Variants in HERC2 observed in about 807,000 individuals in gnomAD.
The protein encoded by HERC2 is E3 ubiquitin-protein ligase HERC2.
In HERC2, 102 loss-of-function variants were observed where a neutral mutation model predicts 537.7. That is an observed-to-expected ratio of 0.19 (90% CI 0.16 to 0.22). The LOEUF is 0.22. Ranked by LOEUF, HERC2 falls within the 10% of genes least tolerant of loss-of-function variation. The pLI, the probability that HERC2 is intolerant of heterozygous loss-of-function variation, is 1.00. For missense variants in HERC2, 4,236 were observed against 6,198.2 expected (o/e 0.68, Z 10.63); for synonymous variants, 2,224 against 2,466.2 (o/e 0.90, Z 2.91).
At chr15:28,203,410 G>C (rs1293695516) in intron 45 of HERC2, 1 of 151,794 alleles carries the variant, frequency 6.6e-6, no homozygotes, top group African/African-American at 2.4e-5. Flanking sequence ...GGGTAACTTG[G>C]AAGTGACAGG....
chr15:28,227,426 C>A (rs1426841393), intron 35 of HERC2, among the ~76,000 whole-genome samples: 1 of 149,278 alleles, frequency 6.7e-6, no homozygotes, highest in African/African-American at 2.5e-5. Context: ...AATGAGACAC[C>A]ACTTCACACC....
chr15:28,227,687 T>C (rs553796287), intron 35 of HERC2, among the ~76,000 whole-genome samples: 2 of 152,266 alleles, frequency 1.3e-5, no homozygotes, highest in South Asian at 4.1e-4. Flanking sequence ...CAAACAAGTA[T>C]TTGTATATAA....
rs145664364 is a variant in HERC2 at position 28,149,015 on chromosome 15, C to T, written c.10901-2671G>A. 4.8e-4 allele frequency among the ~76,000 whole-genome samples: 73 copies of T among 151,488 alleles called. No individual in the cohort carries two copies. In the East Asian group the frequency reaches 0.013, roughly 27 times the overall value. On this transcript the variant is annotated intron_variant, in intron 70 of 92. Transcript: ENST00000261609. ...CACGGCTCCTAACCGAGAACATCAC[C>T]GAGAACGGCCGCACAAACGTACATT...
At chr15:28,259,954 T>G (rs1596339823) in intron 16 of HERC2, among the ~76,000 whole-genome samples, 3 of 123,974 alleles carry the variant, frequency 2.4e-5, no homozygotes, top group East Asian at 2.4e-4. Flanking sequence ...GGTGACAGAG[T>G]GAGACTCCAT....
chr15:28,136,235 G>A (rs61368565), intron 78 of HERC2, among the ~76,000 whole-genome samples: 10,321 of 152,064 alleles, frequency 0.068, 885 homozygotes, highest in East Asian at 0.42. Context: ...TCAGACTGCC[G>A]TTTTCCAAAT....
rs151156359 is a variant in HERC2 at position 28,214,073 on chromosome 15, C to T, written c.6555+3G>A. 6,453 of 1,614,032 alleles carry T rather than the reference C, an allele frequency of 4.0e-3. 24 individuals carry two copies. Among genetic ancestry groups the T allele is most frequent in the Non-Finnish European group, 4.9e-3 (5,805 of 1,179,872 alleles). On this transcript the variant is annotated splice_donor_region_variant and intron_variant, in intron 41 of 92. Coordinates refer to ENST00000261609, the MANE Select transcript of HERC2 (RefSeq NM_004667.6). The stretch of plus-strand genomic sequence containing the variant: ...TAAATTAATTCTGAGAACACAAACC[C>T]ACCCCTTCGGAAGGCCTTCCCACAA...
At chr15:28,163,356 C>A in intron 68 of HERC2, 71 bp from the exon 69 acceptor site, 1 of 1,396,394 alleles carries the variant, frequency 7.2e-7, no homozygotes, top group South Asian at 1.3e-5. Context: ...ACCAGTTTAC[C>A]CATAAACTCA....
rs201994128 is a variant in HERC2 at position 28,163,792 on chromosome 15, T to C, written c.10555-507A>G. On this transcript the variant is annotated intron_variant, in intron 68 of 92. Transcript: ENST00000261609. ...CAGTCTCTCTCTCTCCTTGGGTTCA[T>C]TGAAAACATCATACATAAAAGTCTT... Among the ~76,000 whole-genome samples, 6 of 152,340 alleles carry C rather than the reference T, an allele frequency of 3.9e-5. No individual in the cohort carries two copies. The East Asian group carries it at 5.8e-4, about 15-fold the overall frequency.
rs111239439 is a variant in HERC2, at chr15:28,281,712, T to A, written c.323-1425A>T. 9.1e-3 allele frequency among the ~76,000 whole-genome samples: 1,379 copies of A among 152,232 alleles called. 18 individuals are homozygous for A. The highest frequency in any genetic ancestry group is 0.031 in the African/African-American group (1,279 of 41,538). ...TAGTTATTTAAAACGACATGAAGAA[T>A]ACTGAATTGCACACTGGGCTCAAGA... is the stretch of plus-strand genomic sequence containing the variant. On this transcript the variant is annotated intron_variant, in intron 4 of 92. Coordinates refer to ENST00000261609, the MANE Select transcript of HERC2 (RefSeq NM_004667.6).
At chr15:28,262,167 G>A (rs909320063) in intron 15 of HERC2, among the ~76,000 whole-genome samples, 2 of 152,070 alleles carry the variant, frequency 1.3e-5, no homozygotes, top group Non-Finnish European at 2.9e-5. Context: ...AACAGTTCTC[G>A]ATTAGGATGA....
rs553211421 is a variant in HERC2, at chr15:28,238,159, G to A, written c.3807C>T (p.Asp1269=). 3 of 1,611,946 alleles carry A rather than the reference G, an allele frequency of 1.9e-6. No homozygotes were observed. Among genetic ancestry groups the A allele is most frequent in the Non-Finnish European group, 2.5e-6 (3 of 1,179,792 alleles). The part of the protein sequence containing the change: ...VALEAALQFE[D]TRESMHAFCV... ...AAAACGCGTGCATGGATTCCCGGGT[G>A]TCTTCAAACTGCAAAGCAGCTTCCA... The change falls in exon 25 of 93, where the codon GAC becomes GAT. Residue 1269 remains aspartate, a synonymous_variant. Coordinates refer to ENST00000261609, the MANE Select transcript of HERC2 (RefSeq NM_004667.6).
intron 20 of HERC2, 69 bp downstream of exon 20, chr15:28,254,271 G>C: frequency 8.7e-7 from 1 of 1,151,606 alleles, no homozygotes. Context: ...CAACAAGAGC[G>C]AACTCTGTCA....
chr15:28,148,703 G>A (rs1004712753), intron 70 of HERC2, among the ~76,000 whole-genome samples: 14 of 150,534 alleles, frequency 9.3e-5, no homozygotes, highest in Admixed American at 4.0e-4. Flanking sequence ...GCTTCTAACC[G>A]AGAACATCAC....
At chr15:28,298,285 C>G (rs1291940259) in intron 3 of HERC2, among the ~76,000 whole-genome samples, 202 of 146,934 alleles carry the variant, frequency 1.4e-3, no homozygotes, top group African/African-American at 4.7e-3. Context: ...TCCCAAGTAG[C>G]TGGGATTACA....
chr15:28,160,762 C>T (rs1422966545), intron 69 of HERC2, among the ~76,000 whole-genome samples: 1 of 152,168 alleles, frequency 6.6e-6, no homozygotes, highest in Non-Finnish European at 1.5e-5. Flanking sequence ...TCCGACAAGC[C>T]CCAGTGAGAT....
chr15:28,130,378 C>T (rs1368303094), intron 82 of HERC2, 76 bp from the exon 83 acceptor site: 2 of 1,601,710 alleles, frequency 1.2e-6, no homozygotes, highest in African/African-American at 2.7e-5. Context: ...CCTGGGCAGC[C>T]TCTGCTGTTC....
At chr15:28,308,168 A>G (rs1469016281) in intron 2 of HERC2, among the ~76,000 whole-genome samples, 3 of 152,042 alleles carry the variant, frequency 2.0e-5, no homozygotes, top group African/African-American at 7.2e-5. Context: ...AACAATATTG[A>G]TTCTTCCAAT....
At chr15:28,196,805 C>A (rs939055811) in intron 50 of HERC2, among the ~76,000 whole-genome samples, 35 of 152,182 alleles carry the variant, frequency 2.3e-4, no homozygotes, top group Admixed American at 2.2e-3. Context: ...AGGCGACAAT[C>A]GTTAAAGCCA....
At chr15:28,179,118 T>C (rs1895579067) in intron 58 of HERC2, 24 bp downstream of exon 58, 1 of 1,602,030 alleles carries the variant, frequency 6.2e-7, no homozygotes, top group African/African-American at 1.4e-5. Flanking sequence ...ATTTAAAAAT[T>C]TTTTAAGATT....
Sources: allele counts gnomAD v4.1 joint callset (sites outside exome capture counted in the v4.1 genomes callset), GRCh38; gene constraint gnomAD v4.1.1; transcripts MANE v1.5; gene names NCBI Gene and HGNC (gene_info 2026-07-23, HGNC 2026-07-21).